Variants in COLGALT2 observed in about 807,000 individuals in gnomAD.
The protein encoded by COLGALT2 is procollagen galactosyltransferase 2.
COLGALT2 carries 49 observed loss-of-function variants against 73.4 expected under a neutral mutation model. That is an observed-to-expected ratio of 0.67 (90% CI 0.53 to 0.85). The LOEUF (loss-of-function observed/expected upper bound fraction) is 0.85, where lower values mean the gene tolerates loss of function less well. Among genes scored for constraint, COLGALT2 ranks in the 40% least tolerant of loss-of-function variants. The pLI is 0.00. For missense variants in COLGALT2, 722 were observed against 790.2 expected, an observed-to-expected ratio of 0.91 and a Z score of 1.03; for synonymous variants, 295 against 307.6, an observed-to-expected ratio of 0.96 and a Z score of 0.43.
chr1:183,937,664 A>G lies in COLGALT2; in HGVS notation c.*1097T>C, dbSNP rs1431158411. On this transcript the variant is annotated 3_prime_UTR_variant, in exon 12 of 12. Transcript: ENST00000361927. ...TCAGGAGAATCAGATTGCCGAACCA[A>G]TGTGTCCACACCCACCACTCCCCCG... 5 of 985,288 alleles carry G rather than the reference A, an allele frequency of 5.1e-6. No individual in the cohort carries two copies. Among genetic ancestry groups the G allele is most frequent in the Middle Eastern group, 5.2e-4 (1 of 1,936 alleles). 61.0% of individuals were successfully genotyped at this position (985,288 alleles called of 1,614,324 possible).
At position 183,938,756 on chromosome 1, in the gene COLGALT2, A is replaced by T. The variant is rs1670031291; in HGVS notation, c.*5T>A. ...ACTGATGTGGGCCACACTCCCAGGG[A>T]GCCTTCATAGCTCATCCCTTGAAGG... On this transcript the variant is annotated 3_prime_UTR_variant, in exon 12 of 12. Coordinates refer to ENST00000361927, the MANE Select transcript of COLGALT2 (RefSeq NM_015101.4). 3 of 1,613,924 alleles carry T rather than the reference A, an allele frequency of 1.9e-6. No individual in the cohort carries two copies. The highest frequency in any genetic ancestry group is 2.5e-6 in the Non-Finnish European group (3 of 1,179,880).
intron 5 of COLGALT2, among the ~76,000 whole-genome samples, chr1:183,967,255 G>T (rs1325057818): frequency 6.6e-6 from 1 of 152,246 alleles, no homozygotes; most frequent in Non-Finnish European, 1.5e-5. Flanking sequence ...TGCACCGCCA[G>T]TCTGGCCCTT....
At chr1:184,003,109 C>T (rs924704372) in intron 1 of COLGALT2, among the ~76,000 whole-genome samples, 1 of 152,136 alleles carries the variant, frequency 6.6e-6, no homozygotes, top group Non-Finnish European at 1.5e-5. Context: ...GGAATAATCT[C>T]CACATTTCAG....
chr1:183,944,117 G>GT, intron 10 of COLGALT2, 79 bp downstream of exon 10: 1 of 1,450,076 alleles, frequency 6.9e-7, no homozygotes, highest in Non-Finnish European at 9.2e-7. Context: ...CCTACTGGCT[G>GT]TGGAGGTGGG....
intron 8 of COLGALT2, among the ~76,000 whole-genome samples, chr1:183,949,749 A>C (rs568472634): frequency 6.6e-6 from 1 of 152,348 alleles, no homozygotes; most frequent in African/African-American, 2.4e-5. Context: ...AAAATGAAAA[A>C]CTCTTTTGCT....
intron 1 of COLGALT2, among the ~76,000 whole-genome samples, chr1:184,018,100 T>A (rs776252525): frequency 3.3e-5 from 5 of 152,216 alleles, no homozygotes; most frequent in Admixed American, 3.3e-4. Context: ...ACAATTGTCA[T>A]GTTAGTTAAA....
chr1:183,984,493 A>G (rs561187783), intron 1 of COLGALT2, among the ~76,000 whole-genome samples: 1 of 152,314 alleles, frequency 6.6e-6, no homozygotes, highest in East Asian at 1.9e-4. Flanking sequence ...TGTTGGGACA[A>G]TAACTTTCCT....
At chr1:183,949,638 T>C (rs760788134) in intron 8 of COLGALT2, among the ~76,000 whole-genome samples, 2 of 152,140 alleles carry the variant, frequency 1.3e-5, no homozygotes, top group African/African-American at 2.4e-5. Flanking sequence ...AGAAGAAAAT[T>C]TCATGAAGTA....
intron 3 of COLGALT2, among the ~76,000 whole-genome samples, chr1:183,974,257 C>G (rs1184903841): frequency 1.3e-5 from 2 of 152,166 alleles, no homozygotes; most frequent in African/African-American, 4.8e-5. Flanking sequence ...AAGCTATTTC[C>G]TATTCTTAGA....
rs1034950905 is a variant in COLGALT2, at chr1:183,938,617, G to A, written c.*144C>T. ...CCATGGTCAAAAATATGTTAATTTCGATCTATCACACTAGATCACTTTGGT... is the reference window on the plus strand; with the variant it reads ...CCATGGTCAAAAATATGTTAATTTCAATCTATCACACTAGATCACTTTGGT... On this transcript the variant is annotated 3_prime_UTR_variant, in exon 12 of 12. Transcript: ENST00000361927. The A allele has an allele frequency of 2.2e-5, 32 of 1,424,768 alleles. No homozygotes were observed. Among genetic ancestry groups the A allele is most frequent in the Admixed American group, 1.8e-4 (6 of 34,006 alleles). The allele number at this position is 1,424,768 out of a possible 1,614,324, so 88.3% of individuals were successfully genotyped here. A position where few individuals can be genotyped will look rare whatever the true frequency, so the allele number is the denominator to read the frequency against.
Position 183,940,735 on chromosome 1 carries a change from T to G in COLGALT2, c.1450A>C (p.Asn484His). The change falls in exon 11 of 12, where the codon AAT becomes CAT. Residue 484 changes from asparagine (N) to histidine (H), a missense_variant. Asn to His is a moderately conservative substitution (Grantham distance 68, BLOSUM62 1). Transcript: ENST00000361927. ...TCGGCTTCGACCAGGTTTGCCACAT[T>G]GGGCACTGCTTTCTCTGGCTCCTTT... ...QVKEPEKAVP[N>H]VANLVEADYS... is the part of the protein sequence containing the mutation. The G allele has an allele frequency of 2.5e-6, 4 of 1,614,256 alleles. No homozygotes were observed. Among genetic ancestry groups the G allele is most frequent in the Non-Finnish European group, 3.4e-6 (4 of 1,180,042 alleles).
intron 1 of COLGALT2, among the ~76,000 whole-genome samples, chr1:184,008,713 G>A (rs916107118): frequency 3.3e-5 from 5 of 152,104 alleles, no homozygotes; most frequent in African/African-American, 1.2e-4. Flanking sequence ...CTGGGCAACA[G>A]AATTAGATCC....
chr1:183,987,832 G>A (rs1352757526), intron 1 of COLGALT2, among the ~76,000 whole-genome samples: 2 of 152,182 alleles, frequency 1.3e-5, no homozygotes, highest in East Asian at 3.9e-4. Context: ...ACTGGAATGT[G>A]TGCCCAGAAA....
At chr1:184,016,887 T>G (rs1188518793) in intron 1 of COLGALT2, among the ~76,000 whole-genome samples, 1 of 152,234 alleles carries the variant, frequency 6.6e-6, no homozygotes, top group Non-Finnish European at 1.5e-5. Context: ...CCTCTTCATA[T>G]AGCAAATATC....
Position 184,037,716 on chromosome 1 carries a change from A to T in COLGALT2, c.-359T>A. 1.0e-6 allele frequency: 1 copy of T among 960,814 alleles called. No homozygotes were observed. The highest frequency in any genetic ancestry group is 1.2e-6 in the Non-Finnish European group (1 of 804,340). 59.5% of individuals were successfully genotyped at this position (960,814 alleles called of 1,614,324 possible). On this transcript the variant is annotated 5_prime_UTR_variant, in exon 1 of 12. Transcript: ENST00000361927. ...AGCTGAGGTCTGTGGCCTTCCCTAG[A>T]GCCGCGAGTTGTGGCCCTGTCTGCC...
In COLGALT2 at chr1:183,936,990, C is replaced by G. The variant is rs1421330003; in HGVS notation, c.*1771G>C. On this transcript the variant is annotated 3_prime_UTR_variant, in exon 12 of 12. Coordinates refer to ENST00000361927, the MANE Select transcript of COLGALT2 (RefSeq NM_015101.4). ...CTTGACTACCTATTTGGTGATGAGA[C>G]AGCTTGGTGATCACTTTCTCTAGAC... 5 of 1,231,644 alleles carry G rather than the reference C, an allele frequency of 4.1e-6. No homozygotes were observed. The allele number at this position is 1,231,644 out of a possible 1,614,324, so 76.3% of individuals were successfully genotyped here. A position where few individuals can be genotyped will look rare whatever the true frequency, so the allele number is the denominator to read the frequency against.
chr1:183,981,231 C>T (rs1187044933), intron 1 of COLGALT2, among the ~76,000 whole-genome samples: 1 of 152,082 alleles, frequency 6.6e-6, no homozygotes, highest in Non-Finnish European at 1.5e-5. Context: ...AATAAAGTTT[C>T]ATCAAAAATA....
At chr1:183,991,528 A>C (rs1246313638) in intron 1 of COLGALT2, among the ~76,000 whole-genome samples, 2 of 152,224 alleles carry the variant, frequency 1.3e-5, no homozygotes, top group African/African-American at 4.8e-5. Context: ...ATGTCAGCCC[A>C]GTCAGTCACT....
At chr1:183,943,273 G>T (rs1280063044) in intron 10 of COLGALT2, among the ~76,000 whole-genome samples, 1 of 152,210 alleles carries the variant, frequency 6.6e-6, no homozygotes, top group Middle Eastern at 3.2e-3. Context: ...ACCGCCTGTG[G>T]GTGGGAGAAG....
Sources: gnomAD v4.1 joint callset for allele counts (sites outside exome capture counted in the v4.1 genomes callset) on GRCh38, gnomAD v4.1.1 for gene constraint, MANE v1.5 for transcripts, NCBI Gene and HGNC (gene_info 2026-07-23, HGNC 2026-07-21) for gene names.